The following DNAH12 variants were observed in gnomAD, a reference collection of about 807,000 sequenced individuals.
The protein encoded by DNAH12 is axonemal beta dynein heavy chain 12.
Under a neutral mutation model 371.5 loss-of-function variants are expected in DNAH12, and 285 were observed. The ratio of observed to expected loss-of-function variants is 0.77; its 90% confidence interval spans 0.70 to 0.85. The LOEUF is 0.85. Among genes scored for constraint, DNAH12 ranks in the 40% least tolerant of loss-of-function variants. The probability of loss-of-function intolerance (pLI) is 0.00; values close to 1 mark genes in which losing one functional copy is unlikely to be tolerated. For synonymous variants in DNAH12, 1,200 were observed against 1,213.0 expected (o/e 0.99, Z 0.22); for missense variants, 3,611 against 3,689.4 (o/e 0.98, Z 0.55).
intron 69 of DNAH12, among the ~76,000 whole-genome samples, chr3:57,306,693 TAA>T (rs1393911009): frequency 1.3e-5 from 2 of 152,128 alleles, no homozygotes; most frequent in Non-Finnish European, 2.9e-5. Flanking sequence ...CAGCACACTT[TAA>T]GAGGATTAAA....
At chr3:57,510,769 T>C (rs1486881582) in intron 5 of DNAH12, 21 bp downstream of exon 5, 4 of 1,607,346 alleles carry the variant, frequency 2.5e-6, no homozygotes, top group Non-Finnish European at 3.4e-6. Flanking sequence ...AGAAGCCTGG[T>C]GTGTGTTAGA....
intron 10 of DNAH12, 72 bp from the exon 11 acceptor site, chr3:57,501,484 T>A: frequency 9.4e-7 from 1 of 1,058,918 alleles, no homozygotes; most frequent in East Asian, 2.7e-5. Context: ...TTTTATATGA[T>A]CATGGAATGG....
intron 57 of DNAH12, among the ~76,000 whole-genome samples, chr3:57,365,389 A>G (rs1180536773): frequency 6.6e-6 from 1 of 152,232 alleles, no homozygotes; most frequent in Non-Finnish European, 1.5e-5. Flanking sequence ...GTTCTCACTT[A>G]TAAGTGGGAG....
intron 1 of DNAH12, among the ~76,000 whole-genome samples, chr3:57,543,600 C>T (rs1003562992): frequency 6.6e-6 from 1 of 150,850 alleles, no homozygotes; most frequent in African/African-American, 2.4e-5. Context: ...AGATTACAGG[C>T]GTGAGCCACC....
intron 8 of DNAH12, among the ~76,000 whole-genome samples, chr3:57,505,051 C>T (rs60287653): frequency 0.28 from 43,149 of 151,892 alleles, 6,356 homozygotes; most frequent in East Asian, 0.51. Context: ...CCACGCCTGG[C>T]TAATTTTTGT....
intron 40 of DNAH12, among the ~76,000 whole-genome samples, chr3:57,406,768 A>G (rs1419425629): frequency 2.6e-5 from 4 of 152,092 alleles, no homozygotes; most frequent in Non-Finnish European, 4.4e-5. Context: ...CTTCTTCTTT[A>G]TATCTAAATT....
intron 4 of DNAH12, chr3:57,519,851 T>C: frequency 9.6e-7 from 1 of 1,045,104 alleles, no homozygotes; most frequent in Non-Finnish European, 1.5e-6. Context: ...ACCTGGACTC[T>C]GCAGATGGCG....
At chr3:57,483,249 T>C (rs2153383788) in intron 13 of DNAH12, 127 bp downstream of exon 13, 1 of 1,096,746 alleles carries the variant, frequency 9.1e-7, no homozygotes, top group African/African-American at 1.6e-5. Context: ...TTTCTTGGCC[T>C]AGGTGGTGGC....
intron 4 of DNAH12, among the ~76,000 whole-genome samples, chr3:57,516,907 A>G (rs2068221257): frequency 6.6e-6 from 1 of 152,180 alleles, no homozygotes; most frequent in Admixed American, 6.5e-5. Flanking sequence ...ATCATAGCCT[A>G]CAAGGCCCTC....
chr3:57,466,591 C>G (rs1288270063), intron 17 of DNAH12, among the ~76,000 whole-genome samples: 1 of 152,032 alleles, frequency 6.6e-6, no homozygotes, highest in African/African-American at 2.4e-5. Flanking sequence ...ATGAGAGGAC[C>G]GAGGCACAAG....
chr3:57,445,477 G>A, intron 27 of DNAH12, 58 bp from the exon 28 acceptor site: 1 of 1,358,944 alleles, frequency 7.4e-7, no homozygotes. Context: ...TTTTTAAGCT[G>A]AGCATAAGTA....
chr3:57,392,376 TATCA>T (rs2063643116), intron 44 of DNAH12, among the ~76,000 whole-genome samples: 2 of 152,178 alleles, frequency 1.3e-5, no homozygotes, highest in Admixed American at 6.5e-5. Context: ...ACAGCTGAAG[TATCA>T]ATCAGTAAGG....
intron 11 of DNAH12, among the ~76,000 whole-genome samples, chr3:57,491,081 C>CAAAAAAAAAAAAAAAAAAAAAAAAAA: frequency 1.4e-5 from 1 of 70,398 alleles, no homozygotes; most frequent in Non-Finnish European, 2.8e-5. Context: ...GACTCTATCT[C>CAAAAAAAAAAAAAAAAAAAAAAAAAA]AAAAAAAAAA....
At chr3:57,492,894 AC>A (rs529506850) in intron 11 of DNAH12, among the ~76,000 whole-genome samples, 44 of 152,158 alleles carry the variant, frequency 2.9e-4, no homozygotes, top group African/African-American at 9.6e-4. Context: ...AGTCTCAGCT[AC>A]TCAGGAGGCT....
intron 14 of DNAH12, among the ~76,000 whole-genome samples, chr3:57,471,877 T>G (rs1361361523): frequency 6.6e-6 from 1 of 152,196 alleles, no homozygotes; most frequent in African/African-American, 2.4e-5. Context: ...AATTACCATT[T>G]ATTGAGCATG....
intron 11 of DNAH12, among the ~76,000 whole-genome samples, chr3:57,494,247 C>T (rs903600950): frequency 6.6e-6 from 1 of 151,460 alleles, no homozygotes; most frequent in African/African-American, 2.4e-5. Context: ...CAAAACAAAA[C>T]AAAACAAAAA....
At chr3:57,503,418 C>G (rs2067630295) in intron 9 of DNAH12, among the ~76,000 whole-genome samples, 1 of 147,962 alleles carries the variant, frequency 6.8e-6, no homozygotes, top group African/African-American at 2.5e-5. Context: ...GAGACGGAGT[C>G]TCACTGTGTC....
At chr3:57,555,442 G>T in the DNAH12 span, among the ~76,000 whole-genome samples, 1 of 152,056 alleles carries the variant, frequency 6.6e-6, no homozygotes, top group Admixed American at 6.6e-5. Context: ...AGAGGGTTAG[G>T]CGGGAGGATC....
chr3:57,447,687 T>C (rs1179961436), intron 25 of DNAH12, among the ~76,000 whole-genome samples: 2 of 152,166 alleles, frequency 1.3e-5, no homozygotes, highest in African/African-American at 4.8e-5. Flanking sequence ...TTTTATTTTA[T>C]TTTTTGAGAC....
Sources: gnomAD v4.1 joint callset for allele counts (sites outside exome capture counted in the v4.1 genomes callset) on GRCh38, gnomAD v4.1.1 for gene constraint, MANE v1.5 for transcripts, NCBI Gene and HGNC (gene_info 2026-07-23, HGNC 2026-07-21) for gene names.